The following UGT1A8 variants were observed in gnomAD, a reference collection of about 807,000 sequenced individuals.
UGT1A8 encodes the protein UDP-glucuronosyltransferase 1A8.
Under a neutral mutation model 45.3 loss-of-function variants are expected in UGT1A8, and 39 were observed. The ratio of observed to expected loss-of-function variants is 0.86; its 90% CI spans 0.67 to 1.12. The LOEUF (loss-of-function observed/expected upper bound fraction) is 1.12. UGT1A8 is among the 50% of genes most tolerant of loss of function. The pLI, the probability that UGT1A8 is intolerant of heterozygous loss-of-function variation, is 0.00. For synonymous variants in UGT1A8, 275 were observed against 249.2 expected (o/e 1.10, Z -0.97); for missense variants, 719 against 664.9 (o/e 1.08, Z -0.90).
intron 1 of UGT1A8, among the ~76,000 whole-genome samples, chr2:233,723,397 A>G (rs1363252686): frequency 3.9e-5 from 5 of 128,818 alleles, no homozygotes; most frequent in Non-Finnish European, 7.9e-5. Context: ...TTTAGTAGAG[A>G]TGGGGTTTCA....
chr2:233,651,960 T>G (rs532097207), intron 1 of UGT1A8, among the ~76,000 whole-genome samples: 8 of 152,180 alleles, frequency 5.3e-5, no homozygotes, highest in Non-Finnish European at 1.0e-4. Context: ...TAGCAGATCA[T>G]CATTCAAGAG....
In UGT1A8 at chr2:233,701,052, T is replaced by A. The variant is rs545196754; in HGVS notation, c.856-65982T>A. Among the ~76,000 whole-genome samples, 24 of 152,314 alleles carry A rather than the reference T, an allele frequency of 1.6e-4. No homozygotes were observed. In the East Asian group the frequency reaches 4.4e-3, roughly 28 times the overall value. On this transcript the variant is annotated intron_variant, in intron 1 of 4. Transcript: ENST00000373450. ...TGTCCCTACAAAGGACATGAACTCA[T>A]AATTTTTTATGGCTGCATAGTATTC...
At chr2:233,748,267 A>G (rs762493954) in intron 1 of UGT1A8, among the ~76,000 whole-genome samples, 2 of 151,794 alleles carry the variant, frequency 1.3e-5, no homozygotes, top group Non-Finnish European at 2.9e-5. Context: ...TAAATGGTCA[A>G]TGAGAGGAAG....
chr2:233,639,893 T>G (rs906908599), intron 1 of UGT1A8, among the ~76,000 whole-genome samples: 2 of 152,326 alleles, frequency 1.3e-5, no homozygotes, highest in East Asian at 1.9e-4. Context: ...CAGCAGAACA[T>G]TGAAATAGTT....
chr2:233,718,384 C>A (rs1299175522), intron 1 of UGT1A8, among the ~76,000 whole-genome samples: 1 of 152,166 alleles, frequency 6.6e-6, no homozygotes, highest in Non-Finnish European at 1.5e-5. Flanking sequence ...GAAAGAGTTT[C>A]AAGGGTTAGC....
chr2:233,671,661 T>C (rs891730709), intron 1 of UGT1A8, among the ~76,000 whole-genome samples: 1 of 152,262 alleles, frequency 6.6e-6, no homozygotes, highest in Admixed American at 6.5e-5. Context: ...ATTCTGCTTC[T>C]AAACTTAACA....
chr2:233,728,881 C>T (rs529466232), intron 1 of UGT1A8, among the ~76,000 whole-genome samples: 1 of 152,166 alleles, frequency 6.6e-6, no homozygotes. Flanking sequence ...TTGGATGTTC[C>T]CCAGAGTGAG....
chr2:233,688,176 G>A (rs1284708119), intron 1 of UGT1A8, among the ~76,000 whole-genome samples: 1 of 152,174 alleles, frequency 6.6e-6, no homozygotes, highest in Non-Finnish European at 1.5e-5. Context: ...CATGGAAATG[G>A]AAGCCTTTAT....
intron 1 of UGT1A8, among the ~76,000 whole-genome samples, chr2:233,619,540 A>G (rs2072962374): frequency 6.6e-6 from 1 of 152,216 alleles, no homozygotes; most frequent in African/African-American, 2.4e-5. Context: ...CTGTTCAGGA[A>G]TATGTGTGTC....
chr2:233,743,663 T>C, intron 1 of UGT1A8: 1 of 1,366,972 alleles, frequency 7.3e-7, no homozygotes, highest in Non-Finnish European at 9.8e-7. Flanking sequence ...CTCGAAGGGG[T>C]CCTCGAAGGG....
intron 1 of UGT1A8, among the ~76,000 whole-genome samples, chr2:233,761,833 G>A (rs549701832): frequency 6.6e-6 from 1 of 152,304 alleles, no homozygotes; most frequent in Admixed American, 6.5e-5. Flanking sequence ...CAGATGGAGC[G>A]TTAGGGAATT....
intron 1 of UGT1A8, chr2:233,743,283 G>A: frequency 2.0e-6 from 1 of 501,770 alleles, no homozygotes. Context: ...CCCTTTCTTG[G>A]CCATTCTCAA....
intron 1 of UGT1A8, among the ~76,000 whole-genome samples, chr2:233,651,116 A>G (rs1575401692): frequency 1.3e-5 from 2 of 152,238 alleles, no homozygotes; most frequent in South Asian, 4.1e-4. Context: ...TGGCAAGAAC[A>G]GGCGAGGAGA....
chr2:233,726,535 C>T (rs1400370552), intron 1 of UGT1A8, among the ~76,000 whole-genome samples: 1 of 152,142 alleles, frequency 6.6e-6, no homozygotes, highest in Admixed American at 6.6e-5. Flanking sequence ...TAGGGAGATG[C>T]AGTGCAGCGT....
chr2:233,769,533 A>G lies in UGT1A8; in HGVS notation c.1295+1094A>G. The G allele has an allele frequency of 6.2e-7, 1 of 1,612,916 alleles. No homozygotes were observed. The highest frequency in any genetic ancestry group is 8.5e-7 in the Non-Finnish European group (1 of 1,179,872). On this transcript the variant is annotated intron_variant, in intron 4 of 4. Transcript: ENST00000373450. The surrounding 1 kb of genome is among the most constrained non-coding windows in gnomAD (Gnocchi z 4.4). Reference sequence around the variant, plus strand: ...TCTCCCATGGTTACCTCCTTTAGAAAGAAGCAGCAGTCAGGAAGACAGATG... The same window carrying G: ...TCTCCCATGGTTACCTCCTTTAGAAGGAAGCAGCAGTCAGGAAGACAGATG...
chr2:233,747,202 T>A (rs1693588071), intron 1 of UGT1A8: 1 of 1,604,794 alleles, frequency 6.2e-7, no homozygotes, highest in South Asian at 1.1e-5. Flanking sequence ...GCTGTCCGTG[T>A]CTTCTGCTGA....
chr2:233,720,853 G>GT (rs1012802434), intron 1 of UGT1A8, among the ~76,000 whole-genome samples: 2 of 150,286 alleles, frequency 1.3e-5, no homozygotes, highest in Admixed American at 6.6e-5. Flanking sequence ...CTGCAGGCAT[G>GT]TGCCACTGCT....
At chr2:233,718,861 C>T (rs755547805) in intron 1 of UGT1A8, 3 of 1,613,854 alleles carry the variant, frequency 1.9e-6, no homozygotes, top group East Asian at 2.2e-5. Flanking sequence ...CGGCTGGCCA[C>T]AGGACTGCTG....
intron 1 of UGT1A8, among the ~76,000 whole-genome samples, chr2:233,643,486 T>C (rs927530211): frequency 6.6e-6 from 1 of 152,136 alleles, no homozygotes; most frequent in African/African-American, 2.4e-5. Context: ...CCAGAAATGC[T>C]GTCCGAGTCA....
Sources: gnomAD v4.1 joint callset for allele counts (sites outside exome capture counted in the v4.1 genomes callset) on GRCh38, gnomAD v4.1.1 for gene constraint, Gnocchi (gnomAD v3.1) non-coding constraint, MANE v1.5 for transcripts, NCBI Gene and HGNC (gene_info 2026-07-23, HGNC 2026-07-21) for gene names.